Variants in DNAAF9 observed in about 807,000 individuals in gnomAD.
DNAAF9 encodes shulin.
DNAAF9 carries 90 observed loss-of-function variants against 167.0 expected under a neutral mutation model. That is an observed-to-expected ratio of 0.54 (90% CI 0.45 to 0.64). DNAAF9 has a LOEUF of 0.64. Ranked by LOEUF, DNAAF9 falls within the 30% of genes least tolerant of loss-of-function variation. DNAAF9 has a pLI of 0.00. For missense variants in DNAAF9, 1,315 were observed against 1,442.2 expected (o/e 0.91, Z 1.43); for synonymous variants, 491 against 508.8 (o/e 0.96, Z 0.47).
chr20:3,269,142 T>G (rs1444742105), intron 30 of DNAAF9, among the ~76,000 whole-genome samples: 1 of 151,606 alleles, frequency 6.6e-6, no homozygotes. Flanking sequence ...CTCCTGACCT[T>G]GTGATCCGCC....
At chr20:3,372,830 A>G (rs1223405741) in intron 6 of DNAAF9, among the ~76,000 whole-genome samples, 2 of 152,244 alleles carry the variant, frequency 1.3e-5, no homozygotes, top group Non-Finnish European at 2.9e-5. Flanking sequence ...GAATGAAATC[A>G]GTCAATTCAC....
Position 3,253,754 on chromosome 20 carries a change from G to A in DNAAF9, c.3393C>T (p.Phe1131=). 1 of 1,612,364 alleles carries A rather than the reference G, an allele frequency of 6.2e-7. No homozygotes were observed. Among genetic ancestry groups the A allele is most frequent in the East Asian group, 2.2e-5 (1 of 44,880 alleles). Residue 1131 remains phenylalanine (F), a synonymous_variant, in exon 36 of 37, where the codon TTC becomes TTT. Transcript: ENST00000252032. ...YFYNGTQFVN[F]FGDKTDFHPL... Reference sequence around the variant, plus strand: ...GGTGAAAATCAGTTTTGTCACCAAAGAAGTTAACAAATTGGGTGCCATTAT... The same window carrying A: ...GGTGAAAATCAGTTTTGTCACCAAAAAAGTTAACAAATTGGGTGCCATTAT...
At chr20:3,288,597 C>G (rs915938376) in intron 26 of DNAAF9, among the ~76,000 whole-genome samples, 4 of 152,224 alleles carry the variant, frequency 2.6e-5, no homozygotes, top group Non-Finnish European at 5.9e-5. Flanking sequence ...CCTCCCCATT[C>G]TCCACAATAT....
chr20:3,328,118 A>G (rs2069745736), intron 12 of DNAAF9, among the ~76,000 whole-genome samples: 1 of 151,744 alleles, frequency 6.6e-6, no homozygotes, highest in Non-Finnish European at 1.5e-5. Context: ...TGATCCTTAC[A>G]TAGGAGATCA....
chr20:3,382,320 A>G lies in DNAAF9; in HGVS notation c.163+107T>C, dbSNP rs1055148630. On this transcript the variant is annotated intron_variant, in intron 2 of 36. Transcript: ENST00000252032. ...TCGGGGGAACAAGAACTAGGAGGAC[A>G]CCAACTCACAGCTTATTTCACATTG... 2.1e-5 allele frequency: 17 copies of G among 826,920 alleles called. No homozygotes were observed. The African/African-American group carries it at 2.3e-4, about 11-fold the overall frequency. 51.2% of individuals were successfully genotyped at this position (826,920 alleles called of 1,614,324 possible).
Position 3,336,252 on chromosome 20 carries a change from G to GTTTTTTTTTTTTTT in DNAAF9, c.982-3892_982-3891insAAAAAAAAAAAAAA, listed in dbSNP as rs1178750984. ...TGATTTTGCAGATTCACAGTTTTGC[G>GTTTTTTTTTTTTTT]TTTTTGTTTTTTTTTTTTTTTTTGC... is the stretch of plus-strand genomic sequence containing the variant. On this transcript the variant is annotated intron_variant, in intron 10 of 36. Transcript: ENST00000252032. Among the ~76,000 whole-genome samples the GTTTTTTTTTTTTTT allele has an allele frequency of 3.9e-4, 32 of 81,388 alleles. 3 individuals carry two copies. Among genetic ancestry groups the GTTTTTTTTTTTTTT allele is most frequent in the South Asian group, 1.4e-3 (3 of 2,196 alleles). The allele number at this position is 81,388 out of a possible 152,430, so 53.4% of individuals were successfully genotyped here.
intron 31 of DNAAF9, among the ~76,000 whole-genome samples, chr20:3,260,515 T>A (rs2068365154): frequency 6.6e-6 from 1 of 152,326 alleles, no homozygotes; most frequent in South Asian, 2.1e-4. Context: ...AACCTTAGAC[T>A]AGCAGTTCCT....
At chr20:3,334,422 T>C (rs1490246999) in intron 10 of DNAAF9, among the ~76,000 whole-genome samples, 1 of 152,252 alleles carries the variant, frequency 6.6e-6, no homozygotes, top group Non-Finnish European at 1.5e-5. Flanking sequence ...TTTTTGTGGC[T>C]TGACAGCTCT....
chr20:3,338,957 T>A (rs186603409), intron 10 of DNAAF9, among the ~76,000 whole-genome samples: 201 of 152,046 alleles, frequency 1.3e-3, no homozygotes, highest in African/African-American at 4.4e-3. Context: ...CCCGGCTGGT[T>A]CTTGGATGAT....
At chr20:3,346,621 G>T (rs1209876985) in intron 8 of DNAAF9, among the ~76,000 whole-genome samples, 1 of 152,128 alleles carries the variant, frequency 6.6e-6, no homozygotes. Context: ...GAGAATATGA[G>T]AAAATGCACA....
At chr20:3,321,393 G>A (rs1032326264) in intron 16 of DNAAF9, among the ~76,000 whole-genome samples, 1 of 152,132 alleles carries the variant, frequency 6.6e-6, no homozygotes, top group Non-Finnish European at 1.5e-5. Flanking sequence ...GAATACTGTA[G>A]GCAATTATAA....
intron 20 of DNAAF9, among the ~76,000 whole-genome samples, chr20:3,309,760 GATTA>G (rs1323755724): frequency 2.0e-5 from 3 of 152,108 alleles, no homozygotes; most frequent in South Asian, 2.1e-4. Flanking sequence ...CATAGGAAAT[GATTA>G]ATTATCCTGA....
chr20:3,317,798 T>C (rs1007399708), intron 17 of DNAAF9, among the ~76,000 whole-genome samples: 1 of 152,116 alleles, frequency 6.6e-6, no homozygotes, highest in Non-Finnish European at 1.5e-5. Flanking sequence ...GGTTTCACCA[T>C]GTTGGCCAGG....
In DNAAF9 at chr20:3,287,801, A is replaced by G; in HGVS notation, c.2328-11T>C. On this transcript the variant is annotated splice_polypyrimidine_tract_variant and intron_variant, in intron 26 of 36. Transcript: ENST00000252032. ...CGATACACCATCCATCTGGAAAGGT[A>G]AAAGGTAACCTCTGCATGGGGGCCA... 2 of 1,613,686 alleles carry G rather than the reference A, an allele frequency of 1.2e-6. No homozygotes were observed. The highest frequency in any genetic ancestry group is 8.5e-7 in the Non-Finnish European group (1 of 1,179,572).
At chr20:3,395,226 C>T (rs1212174363) in intron 1 of DNAAF9, among the ~76,000 whole-genome samples, 1 of 139,608 alleles carries the variant, frequency 7.2e-6, no homozygotes, top group Non-Finnish European at 1.6e-5. Context: ...CCGTCTCGGC[C>T]TCCCAAAGTG....
chr20:3,403,002 T>C (rs904538526), intron 1 of DNAAF9, among the ~76,000 whole-genome samples: 1 of 152,238 alleles, frequency 6.6e-6, no homozygotes, highest in Admixed American at 6.5e-5. Flanking sequence ...CATTTCTTCA[T>C]GTCTTCAAAC....
intron 6 of DNAAF9, among the ~76,000 whole-genome samples, chr20:3,365,373 T>TTTTATTTATTTATTTATTTATTTA (rs145072503): frequency 9.4e-5 from 14 of 149,600 alleles, no homozygotes; most frequent in African/African-American, 3.0e-4. Flanking sequence ...TTTGATAACA[T>TTTTATTTATTTATTTATTTATTTA]TTTATTTATT....
At position 3,351,967 on chromosome 20, in the gene DNAAF9, C is replaced by T. The variant is rs146050685; in HGVS notation, c.691-3344G>A. ...AGATATGGGGTTCCACCATGTTGGC[C>T]AGGCTGGTCTCAAACTCCTGACCTC... On this transcript the variant is annotated intron_variant, in intron 7 of 36. Transcript: ENST00000252032. Among the ~76,000 whole-genome samples the T allele has an allele frequency of 6.5e-3, 985 of 152,122 alleles. 5 individuals are homozygous for T. The highest frequency in any genetic ancestry group is 0.011 in the Admixed American group (172 of 15,272).
At chr20:3,398,659 C>T (rs1019692232) in intron 1 of DNAAF9, among the ~76,000 whole-genome samples, 1 of 152,076 alleles carries the variant, frequency 6.6e-6, no homozygotes, top group African/African-American at 2.4e-5. Flanking sequence ...AAATGTTTCA[C>T]AATAAAATGT....
Sources: allele counts gnomAD v4.1 joint callset (sites outside exome capture counted in the v4.1 genomes callset), GRCh38; gene constraint gnomAD v4.1.1; transcripts MANE v1.5; gene names NCBI Gene and HGNC (gene_info 2026-07-23, HGNC 2026-07-21).